MYO3B: variants seen among roughly 807,000 people sequenced by gnomAD.
MYO3B encodes myosin-IIIb.
MYO3B carries 156 observed loss-of-function variants against 174.6 expected under a neutral mutation model. That is an observed-to-expected ratio of 0.89 (90% CI 0.78 to 1.02). The LOEUF is 1.02. Ranked by LOEUF, MYO3B falls within the 50% of genes least tolerant of loss-of-function variation. The probability of loss-of-function intolerance (pLI) is 0.00; values close to 1 mark genes in which losing one functional copy is unlikely to be tolerated. For missense variants in MYO3B, 1,632 were observed against 1,639.4 expected (o/e 1.00, Z 0.08); for synonymous variants, 563 against 569.1 (o/e 0.99, Z 0.15).
Position 170,634,295 on chromosome 2 carries a change from G to A in MYO3B, c.3734-17333G>A, listed in dbSNP as rs542895108. Among the ~76,000 whole-genome samples, 13 of 152,154 alleles carry A rather than the reference G, an allele frequency of 8.5e-5. 1 individual carries two copies. The highest frequency in any genetic ancestry group is 1.6e-4 in the Non-Finnish European group (11 of 67,998). On this transcript the variant is annotated intron_variant, in intron 32 of 34. Coordinates refer to ENST00000408978, the MANE Select transcript of MYO3B (RefSeq NM_138995.5). ...ATATAGACCAATGGAACAGAACAGA[G>A]GCCTCAGAAATAACACCACACATCT...
intron 30 of MYO3B, among the ~76,000 whole-genome samples, chr2:170,535,442 C>T (rs565966541): frequency 6.6e-6 from 1 of 152,270 alleles, no homozygotes; most frequent in African/African-American, 2.4e-5. Context: ...TATCATTGGG[C>T]TTCATTTAAT....
intron 32 of MYO3B, among the ~76,000 whole-genome samples, chr2:170,590,211 A>C (rs1300638720): frequency 6.6e-6 from 1 of 152,212 alleles, no homozygotes; most frequent in East Asian, 1.9e-4. Context: ...AATTCTTGTT[A>C]CAGTTACTTT....
intron 9 of MYO3B, among the ~76,000 whole-genome samples, chr2:170,376,601 C>G (rs1220751808): frequency 7.5e-6 from 1 of 134,176 alleles, no homozygotes; most frequent in Non-Finnish European, 1.6e-5. Context: ...TATTCCCTCT[C>G]TCTATTTTTT....
chr2:170,293,807 T>A (rs199517747), intron 7 of MYO3B, among the ~76,000 whole-genome samples: 1 of 16,084 alleles, frequency 6.2e-5, no homozygotes, highest in African/African-American at 2.1e-4. Context: ...CAAAGAAGCC[T>A]TTTTTTTTTA....
At chr2:170,304,277 T>G (rs1279734447) in intron 7 of MYO3B, among the ~76,000 whole-genome samples, 1 of 152,086 alleles carries the variant, frequency 6.6e-6, no homozygotes, top group Non-Finnish European at 1.5e-5. Flanking sequence ...TTTTCTTACA[T>G]TTTTATCAAC....
intron 7 of MYO3B, among the ~76,000 whole-genome samples, chr2:170,291,574 T>C (rs1166600671): frequency 2.0e-5 from 3 of 152,214 alleles, no homozygotes; most frequent in Admixed American, 1.3e-4. Context: ...TTCTTTTAGA[T>C]AGAATAACTC....
intron 32 of MYO3B, among the ~76,000 whole-genome samples, chr2:170,645,085 T>G (rs962034062): frequency 6.6e-6 from 1 of 152,150 alleles, no homozygotes; most frequent in African/African-American, 2.4e-5. Context: ...GTGGGGAGTT[T>G]GGTTTGTCTC....
At chr2:170,403,679 C>T (rs1288907514) in intron 19 of MYO3B, among the ~76,000 whole-genome samples, 1 of 152,178 alleles carries the variant, frequency 6.6e-6, no homozygotes, top group African/African-American at 2.4e-5. Flanking sequence ...TGTTTTAATG[C>T]AGGCATGAGG....
intron 32 of MYO3B, among the ~76,000 whole-genome samples, chr2:170,577,314 CCT>C (rs1692845430): frequency 6.6e-6 from 1 of 152,172 alleles, no homozygotes; most frequent in Non-Finnish European, 1.5e-5. Context: ...ACATTAATCT[CCT>C]TGAGGACAAA....
At chr2:170,239,819 G>A (rs1006258479) in intron 7 of MYO3B, among the ~76,000 whole-genome samples, 1 of 152,168 alleles carries the variant, frequency 6.6e-6, no homozygotes, top group Admixed American at 6.5e-5. Context: ...CTGCTACAGC[G>A]AATGACCACA....
intron 32 of MYO3B, among the ~76,000 whole-genome samples, chr2:170,547,720 C>T (rs1294862528): frequency 1.3e-5 from 2 of 152,168 alleles, no homozygotes; most frequent in Non-Finnish European, 2.9e-5. Flanking sequence ...AATAATCATG[C>T]ACTTGGATGT....
At chr2:170,249,997 G>T (rs571918578) in intron 7 of MYO3B, among the ~76,000 whole-genome samples, 7 of 152,174 alleles carry the variant, frequency 4.6e-5, no homozygotes, top group Admixed American at 1.3e-4. Context: ...AGCCACTTGA[G>T]GTTTAGAACA....
At chr2:170,306,811 G>T (rs2093703796) in intron 7 of MYO3B, among the ~76,000 whole-genome samples, 1 of 152,168 alleles carries the variant, frequency 6.6e-6, no homozygotes, top group African/African-American at 2.4e-5. Flanking sequence ...TTCTGCACTT[G>T]GGTCTGAGGT....
intron 19 of MYO3B, among the ~76,000 whole-genome samples, chr2:170,403,521 C>G (rs1283683624): frequency 6.6e-6 from 1 of 152,094 alleles, no homozygotes; most frequent in Non-Finnish European, 1.5e-5. Flanking sequence ...ACTAGTGGAC[C>G]CAAGGGATGG....
chr2:170,601,588 A>C (rs1461327831), intron 32 of MYO3B: 27 of 1,110,824 alleles, frequency 2.4e-5, no homozygotes, highest in Non-Finnish European at 3.4e-5. Flanking sequence ...TAGACAAGGA[A>C]AAAAACTAGG....
chr2:170,416,216 C>A (rs1222607154), intron 22 of MYO3B, among the ~76,000 whole-genome samples: 1 of 152,126 alleles, frequency 6.6e-6, no homozygotes, highest in Non-Finnish European at 1.5e-5. Flanking sequence ...TACAGCCCAA[C>A]AGCCATCTTA....
At chr2:170,607,164 A>G (rs1694866457) in intron 32 of MYO3B, among the ~76,000 whole-genome samples, 1 of 152,262 alleles carries the variant, frequency 6.6e-6, no homozygotes, top group Non-Finnish European at 1.5e-5. Context: ...GTCAAATTGT[A>G]TGAGATTGTT....
At chr2:170,529,568 A>T (rs1008353359) in intron 30 of MYO3B, among the ~76,000 whole-genome samples, 8 of 151,960 alleles carry the variant, frequency 5.3e-5, no homozygotes. Context: ...ATCTCTAACC[A>T]TTTCTCCATC....
At chr2:170,536,007 T>C (rs549577587) in intron 30 of MYO3B, among the ~76,000 whole-genome samples, 1 of 152,212 alleles carries the variant, frequency 6.6e-6, no homozygotes, top group South Asian at 2.1e-4. Context: ...TTTTTTCCAA[T>C]AAAGCAAGCA....
Sources: gnomAD v4.1 joint callset for allele counts (sites outside exome capture counted in the v4.1 genomes callset) on GRCh38, gnomAD v4.1.1 for gene constraint, MANE v1.5 for transcripts, NCBI Gene and HGNC (gene_info 2026-07-23, HGNC 2026-07-21) for gene names.